Variants in RNFT2 observed in about 807,000 individuals in gnomAD.
RNFT2 encodes the protein E3 ubiquitin-protein ligase RNFT2.
A neutral mutation model predicts 53.0 loss-of-function variants in RNFT2; 36 were observed. The observed-to-expected ratio is 0.68, with a 90% CI of 0.52 to 0.90. The LOEUF (loss-of-function observed/expected upper bound fraction) is 0.90, where lower values mean the gene tolerates loss of function less well. Among genes scored for constraint, RNFT2 ranks in the 40% least tolerant of loss-of-function variants. The probability of loss-of-function intolerance (pLI) is 0.00; values close to 1 mark genes in which losing one functional copy is unlikely to be tolerated. For missense variants in RNFT2, 514 were observed against 585.6 expected, an observed-to-expected ratio of 0.88 and a Z score of 1.26; for synonymous variants, 260 against 253.2, an observed-to-expected ratio of 1.03 and a Z score of -0.26.
At chr12:116,804,195 C>G (rs1007456608) in intron 7 of RNFT2, among the ~76,000 whole-genome samples, 1 of 152,198 alleles carries the variant, frequency 6.6e-6, no homozygotes, top group Non-Finnish European at 1.5e-5. Flanking sequence ...GCAACTTGTG[C>G]TGTTACACAG....
chr12:116,827,503 TC>T (rs112795683), intron 7 of RNFT2, among the ~76,000 whole-genome samples: 2,857 of 152,196 alleles, frequency 0.019, 96 homozygotes, highest in African/African-American at 0.064. Flanking sequence ...TGTGTTAGAA[TC>T]CCCATCGTGA....
chr12:116,784,773 CCTT>C (rs1048094472), intron 7 of RNFT2, among the ~76,000 whole-genome samples: 27 of 152,216 alleles, frequency 1.8e-4, no homozygotes, highest in Admixed American at 1.7e-3. Context: ...AGCCCATCCT[CCTT>C]CTATATCTCC....
At chr12:116,849,190 C>A in intron 10 of RNFT2, 124 bp from the exon 11 acceptor site, 1 of 682,104 alleles carries the variant, frequency 1.5e-6, no homozygotes. Context: ...GTCTCCCCAA[C>A]GCGAGTGCAG....
chr12:116,775,914 G>C (rs1308619359), intron 6 of RNFT2, among the ~76,000 whole-genome samples: 1 of 152,066 alleles, frequency 6.6e-6, no homozygotes, highest in Non-Finnish European at 1.5e-5. Context: ...GTGGTGGTAG[G>C]CATCTGTAAT....
intron 7 of RNFT2, among the ~76,000 whole-genome samples, chr12:116,831,535 T>C (rs1187113645): frequency 1.5e-5 from 2 of 135,776 alleles, no homozygotes; most frequent in East Asian, 2.0e-4. Flanking sequence ...TGTTTTTTAC[T>C]TTTTTTTTTT....
intron 7 of RNFT2, among the ~76,000 whole-genome samples, chr12:116,808,501 C>T (rs995413355): frequency 6.6e-6 from 1 of 152,184 alleles, no homozygotes; most frequent in African/African-American, 2.4e-5. Context: ...AGGGACAGGG[C>T]CCCAGCAGGC....
At chr12:116,780,686 A>G (rs12305605) in intron 7 of RNFT2, among the ~76,000 whole-genome samples, 13,232 of 150,648 alleles carry the variant, frequency 0.088, 1,654 homozygotes, top group African/African-American at 0.27. Flanking sequence ...AAAAAAAAAG[A>G]GATGTGGAGA....
At chr12:116,796,060 C>G (rs1294521098) in intron 7 of RNFT2, among the ~76,000 whole-genome samples, 3 of 152,092 alleles carry the variant, frequency 2.0e-5, no homozygotes, top group African/African-American at 4.8e-5. Context: ...AGGCGCCCAC[C>G]ACCACACCCA....
intron 10 of RNFT2, among the ~76,000 whole-genome samples, chr12:116,839,784 G>C (rs1877160977): frequency 6.9e-6 from 1 of 145,958 alleles, no homozygotes; most frequent in Admixed American, 6.8e-5. Context: ...AAGGGAGGGA[G>C]GGAGGGAGGG....
At chr12:116,760,296 G>A (rs903467242) in intron 5 of RNFT2, among the ~76,000 whole-genome samples, 6 of 152,204 alleles carry the variant, frequency 3.9e-5, no homozygotes. Context: ...AAAGAAGAGG[G>A]TTTAGTTCGT....
chr12:116,849,639 A>C lies in RNFT2; in HGVS notation c.*191A>C. The C allele has an allele frequency of 7.5e-7, 1 of 1,326,754 alleles. No homozygotes were observed. The highest frequency in any genetic ancestry group is 9.7e-7 in the Non-Finnish European group (1 of 1,035,270). 82.2% of individuals were successfully genotyped at this position (1,326,754 alleles called of 1,614,324 possible). On this transcript the variant is annotated 3_prime_UTR_variant, in exon 11 of 11. Coordinates refer to ENST00000257575, the MANE Select transcript of RNFT2 (RefSeq NM_001382266.1). ...ATCTTCCTCTCTCGTTCTGTGGTATAGTGCGTGCCTCCTTCCCCTGCAAAA... is the reference window on the plus strand; with the variant it reads ...ATCTTCCTCTCTCGTTCTGTGGTATCGTGCGTGCCTCCTTCCCCTGCAAAA...
Position 116,852,236 on chromosome 12 carries a change from T to C in RNFT2, c.*2788T>C, listed in dbSNP as rs531050983. ...CAGAGAAAGCAATCTGTGTGGCTAG[T>C]GGGCAGATTACCATGCAAGCCCCAG... On this transcript the variant is annotated 3_prime_UTR_variant, in exon 11 of 11. Transcript: ENST00000257575. The C allele has an allele frequency of 7.8e-7, 1 of 1,276,528 alleles. No individual in the cohort carries two copies. The highest frequency in any genetic ancestry group is 9.9e-7 in the Non-Finnish European group (1 of 1,007,534). 79.1% of individuals were successfully genotyped at this position (1,276,528 alleles called of 1,614,324 possible). A position where few individuals can be genotyped will look rare whatever the true frequency, so the allele number is the denominator to read the frequency against.
intron 5 of RNFT2, 77 bp from the exon 6 acceptor site, chr12:116,766,737 G>A: frequency 9.0e-7 from 1 of 1,106,736 alleles, no homozygotes; most frequent in East Asian, 2.6e-5. Flanking sequence ...GTGAAAAGCT[G>A]CCAGTCATCA....
chr12:116,748,673 G>A, intron 3 of RNFT2: 1 of 452,486 alleles, frequency 2.2e-6, no homozygotes, highest in South Asian at 1.6e-5. Flanking sequence ...TGTGACCAAG[G>A]CTGGCCCCTC....
chr12:116,771,497 ACG>A (rs58464552), intron 6 of RNFT2, among the ~76,000 whole-genome samples: 83,922 of 110,388 alleles, frequency 0.76, 34,651 homozygotes, highest in Non-Finnish European at 0.86. Flanking sequence ...AAAAAAAAAT[ACG>A]TATATGAGCA....
chr12:116,785,247 T>TTGTGTGTGTGTGTG (rs1482802209), intron 7 of RNFT2, among the ~76,000 whole-genome samples: 1 of 19,478 alleles, frequency 5.1e-5, no homozygotes, highest in African/African-American at 2.3e-4. Context: ...GATTACCTAC[T>TTGTGTGTGTGTGTG]TCTGTGTGTG....
chr12:116,837,897 C>G (rs963348984), intron 10 of RNFT2, among the ~76,000 whole-genome samples: 1 of 151,706 alleles, frequency 6.6e-6, no homozygotes, highest in African/African-American at 2.4e-5. Flanking sequence ...TTTCTGTAAG[C>G]CTTAAATTAT....
intron 10 of RNFT2, 40 bp from the exon 11 acceptor site, chr12:116,849,274 A>G (rs2137229543): frequency 6.8e-7 from 1 of 1,473,322 alleles, no homozygotes; most frequent in Non-Finnish European, 9.2e-7. Flanking sequence ...GCAGACGCTC[A>G]GTAAAGAGTC....
At chr12:116,845,500 G>A (rs950721588) in intron 10 of RNFT2, among the ~76,000 whole-genome samples, 2 of 152,020 alleles carry the variant, frequency 1.3e-5, no homozygotes, top group Non-Finnish European at 2.9e-5. Context: ...CAAAAGAACT[G>A]GGCATGCACC....
Sources: gnomAD v4.1 joint callset for allele counts (sites outside exome capture counted in the v4.1 genomes callset) on GRCh38, gnomAD v4.1.1 for gene constraint, MANE v1.5 for transcripts, NCBI Gene and HGNC (gene_info 2026-07-23, HGNC 2026-07-21) for gene names.